Variants in TEPSIN observed in about 807,000 individuals in gnomAD.
The protein encoded by TEPSIN is TEPSIN adaptor related protein complex 4 accessory protein.
In TEPSIN, 50 loss-of-function variants were observed where a neutral mutation model predicts 48.5. That is an observed-to-expected ratio of 1.03 (90% CI 0.82 to 1.31). TEPSIN has a LOEUF of 1.31. TEPSIN is among the 50% of genes most tolerant of loss of function. The pLI is 0.00. For synonymous variants in TEPSIN, 392 were observed against 358.8 expected (o/e 1.09, Z -1.05); for missense variants, 838 against 815.9 (o/e 1.03, Z -0.33).
rs1487582203 is a variant in TEPSIN at position 81,230,400 on chromosome 17, C to T, written c.1233+144G>A. On this transcript the variant is annotated intron_variant, in intron 12 of 12. Coordinates refer to ENST00000637944, the MANE Select transcript of TEPSIN (RefSeq NM_001363764.2). The surrounding 1 kb of genome is among the most constrained non-coding windows in gnomAD (Gnocchi z 4.2). ...GAGGACCCTGACTTGCTGCTGCTCCCTCTGCCAGCGGGACAGGGACTTGAG... is the reference window on the plus strand; with the variant it reads ...GAGGACCCTGACTTGCTGCTGCTCCTTCTGCCAGCGGGACAGGGACTTGAG... The T allele has an allele frequency of 1.7e-6, 2 of 1,203,574 alleles. No individual in the cohort carries two copies. Among genetic ancestry groups the T allele is most frequent in the Non-Finnish European group, 2.3e-6 (2 of 878,738 alleles). 74.6% of individuals were successfully genotyped at this position (1,203,574 alleles called of 1,614,324 possible).
chr17:81,237,584 G>A (rs2062747479), intron 1 of TEPSIN, 125 bp from the exon 2 acceptor site: 3 of 1,019,702 alleles, frequency 2.9e-6, no homozygotes, highest in African/African-American at 3.2e-5. Context: ...GAGAGGACTG[G>A]GAAGGGATGA....
chr17:81,230,302 A>T lies in TEPSIN; in HGVS notation c.1233+242T>A. On this transcript the variant is annotated intron_variant, in intron 12 of 12. Coordinates refer to ENST00000637944, the MANE Select transcript of TEPSIN (RefSeq NM_001363764.2). The surrounding 1 kb of genome is among the most constrained non-coding windows in gnomAD (Gnocchi z 4.2). ...AAGGCAGCGGAGTCTGGGGGCTTCC[A>T]GGAATAGGTAGAGGCCAGTGTACTG... 1.9e-6 allele frequency: 1 copy of T among 514,458 alleles called. No homozygotes were observed. Among genetic ancestry groups the T allele is most frequent in the Non-Finnish European group, 3.4e-6 (1 of 294,572 alleles). The allele number at this position is 514,458 out of a possible 1,614,324, so 31.9% of individuals were successfully genotyped here. A position where few individuals can be genotyped will look rare whatever the true frequency, so the allele number is the denominator to read the frequency against.
rs2062580873 is a variant in TEPSIN at position 81,230,830 on chromosome 17, C to G, written c.1099-152G>C. The stretch of plus-strand genomic sequence containing the variant: ...GACAGCTCCACCACAGCCCTGTCCT[C>G]ACCGCCTTACACCCCGGATCCCAGA... On this transcript the variant is annotated intron_variant, in intron 11 of 12. Coordinates refer to ENST00000637944, the MANE Select transcript of TEPSIN (RefSeq NM_001363764.2). The surrounding 1 kb of genome is among the most constrained non-coding windows in gnomAD (Gnocchi z 4.2). The G allele has an allele frequency of 2.1e-6, 2 of 957,706 alleles. No homozygotes were observed. The highest frequency in any genetic ancestry group is 1.8e-5 in the South Asian group (1 of 55,672). The allele number at this position is 957,706 out of a possible 1,614,324, so 59.3% of individuals were successfully genotyped here. A position where few individuals can be genotyped will look rare whatever the true frequency, so the allele number is the denominator to read the frequency against.
At position 81,234,059 on chromosome 17, in the gene TEPSIN, G is replaced by A. The variant is rs746838181; in HGVS notation, c.308-11C>T. On this transcript the variant is annotated splice_polypyrimidine_tract_variant and intron_variant, in intron 4 of 12. Transcript: ENST00000637944. The surrounding 1 kb of genome is among the most constrained non-coding windows in gnomAD (Gnocchi z 5.4). Reference sequence around the variant, plus strand: ...GGGGCCCTGCAAAAGCTGCAGAACAGAAAAGGCAAGTCGGGGGCAGGGCTG... The same window carrying A: ...GGGGCCCTGCAAAAGCTGCAGAACAAAAAAGGCAAGTCGGGGGCAGGGCTG... 1.8e-5 allele frequency: 29 copies of A among 1,582,776 alleles called. No individual in the cohort carries two copies. The Middle Eastern group carries it at 6.8e-4, about 37-fold the overall frequency.
chr17:81,232,628 G>A (rs1297083143), intron 7 of TEPSIN, 110 bp from the exon 8 acceptor site: 3 of 1,045,584 alleles, frequency 2.9e-6, no homozygotes, highest in Non-Finnish European at 4.0e-6. Flanking sequence ...GAGAGGTCGG[G>A]GTACATGCTG....
intron 12 of TEPSIN, 130 bp from the exon 13 acceptor site, chr17:81,229,606 C>T: frequency 1.0e-6 from 1 of 987,254 alleles, no homozygotes; most frequent in Non-Finnish European, 1.5e-6. Context: ...GGGCAGGACA[C>T]CGGCTGCTGG....
At chr17:81,231,110 C>CACACACATGCAGTCATGT (rs2062591903) in intron 11 of TEPSIN, 1 of 548,532 alleles carries the variant, frequency 1.8e-6, no homozygotes. Flanking sequence ...CATACACAAC[C>CACACACATGCAGTCATGT]ACACACATGC....
chr17:81,238,982 T>C lies in TEPSIN; in HGVS notation c.48+4A>G, dbSNP rs759127844. 4 of 1,473,852 alleles carry C rather than the reference T, an allele frequency of 2.7e-6. No homozygotes were observed. Among genetic ancestry groups the C allele is most frequent in the Non-Finnish European group, 3.6e-6 (4 of 1,119,114 alleles). The allele number at this position is 1,473,852 out of a possible 1,614,324, so 91.3% of individuals were successfully genotyped here. A position where few individuals can be genotyped will look rare whatever the true frequency, so the allele number is the denominator to read the frequency against. The stretch of plus-strand genomic sequence containing the variant: ...CGGGGCCCGGGCGGACCGCCCTCAC[T>C]CACCCGGTGTAGAAAGCTCAGGCGG... On this transcript the variant is annotated splice_donor_region_variant and intron_variant, in intron 1 of 12. Coordinates refer to ENST00000637944, the MANE Select transcript of TEPSIN (RefSeq NM_001363764.2).
intron 12 of TEPSIN, chr17:81,229,867 C>T (rs1598346814): frequency 3.8e-6 from 1 of 261,698 alleles, no homozygotes; most frequent in South Asian, 5.0e-5. Context: ...TTAGAAACCC[C>T]ACTATGAGGT....
intron 4 of TEPSIN, 120 bp downstream of exon 4, chr17:81,236,588 G>C: frequency 4.8e-6 from 5 of 1,040,654 alleles, no homozygotes; most frequent in East Asian, 2.6e-5. Flanking sequence ...GGCTTTGATC[G>C]GGACCCGGCC....
In TEPSIN at chr17:81,233,481, C is replaced by T. The variant is rs778856508; in HGVS notation, c.477G>A (p.Pro159=). 254 of 1,606,600 alleles carry T rather than the reference C, an allele frequency of 1.6e-4. No individual in the cohort carries two copies. The highest frequency in any genetic ancestry group is 2.1e-4 in the Non-Finnish European group (250 of 1,176,792). ...PATGMGSQAR[P]HSTLQGFGYS... is the part of the protein sequence containing the mutation. ...AGCCGAAACCCTGGAGGGTGCTGTGCGGCCTGGCCTGGGAGCCCATGCCTG... is the reference window on the plus strand; with the variant it reads ...AGCCGAAACCCTGGAGGGTGCTGTGTGGCCTGGCCTGGGAGCCCATGCCTG... The change falls in exon 7 of 13, where the codon CCG becomes CCA. Residue 159 remains proline (P), a synonymous_variant. Transcript: ENST00000637944. This position sits in a 1 kb window ranked among gnomAD's most constrained non-coding sequence, Gnocchi z 5.8.
At chr17:81,238,005 C>T in intron 1 of TEPSIN, 2 of 996,922 alleles carry the variant, frequency 2.0e-6, no homozygotes, top group Non-Finnish European at 2.4e-6. Flanking sequence ...TACTTACTGG[C>T]ACAAAGATGT....
Position 81,232,479 on chromosome 17 carries a change from G to T in TEPSIN, c.566C>A (p.Ala189Asp). 6.5e-7 allele frequency: 1 copy of T among 1,534,702 alleles called. No individual in the cohort carries two copies. Among genetic ancestry groups the T allele is most frequent in the South Asian group, 1.2e-5 (1 of 83,994 alleles). Residue 189 changes from alanine (A) to aspartate (D), a missense_variant, in exon 8 of 13, where the codon GCC (alanine) becomes GAC (aspartate). Coordinates refer to ENST00000637944, the MANE Select transcript of TEPSIN (RefSeq NM_001363764.2). Reference protein sequence around the residue: ...GEAFLSTIQKAAEVVASAMRP... With the variant: ...GEAFLSTIQKDAEVVASAMRP... ...CATGGCGCTGGCCACCACCTCTGCG[G>T]CCTTCTGGATGGTGGAGAGGAAGGC...
intron 4 of TEPSIN, 165 bp downstream of exon 4, chr17:81,236,543 G>C: frequency 1.4e-6 from 1 of 739,974 alleles, no homozygotes; most frequent in East Asian, 2.7e-5. Flanking sequence ...GCAGCAGGTG[G>C]AGAGGCCAGA....
intron 12 of TEPSIN, chr17:81,229,773 C>T: frequency 2.2e-6 from 1 of 463,774 alleles, no homozygotes; most frequent in East Asian, 4.2e-5. Context: ...ACCCGCCAGG[C>T]ACTGCCGGAG....
At chr17:81,237,259 G>A (rs2062740070) in intron 2 of TEPSIN, 128 bp downstream of exon 2, 1 of 1,262,164 alleles carries the variant, frequency 7.9e-7, no homozygotes. Flanking sequence ...CCCCACCCAT[G>A]CCTGGTTACA....
rs2062612882 is a variant in TEPSIN at position 81,231,637 on chromosome 17, A to G, written c.960T>C (p.Thr320=). 1.2e-6 allele frequency: 2 copies of G among 1,613,224 alleles called. No individual in the cohort carries two copies. The highest frequency in any genetic ancestry group is 1.7e-6 in the Non-Finnish European group (2 of 1,179,758). ...DCQQELSLVR[T]VTRGPRAFLS... ...GGAAGGCGCGTGGTCCCCGAGTCAC[A>G]GTCCTCACCAAGCTCAACTCCTGCT... Residue 320 remains threonine (T), a synonymous_variant, in exon 10 of 13, where the codon ACT becomes ACC. Coordinates refer to ENST00000637944, the MANE Select transcript of TEPSIN (RefSeq NM_001363764.2).
intron 1 of TEPSIN, chr17:81,237,728 C>A: frequency 1.8e-6 from 1 of 542,510 alleles, no homozygotes; most frequent in Non-Finnish European, 3.2e-6. Context: ...TAAGAAGGGA[C>A]ACAGCCCCCA....
rs370125089 is a variant in TEPSIN, at chr17:81,231,189, A to G, written c.1098+209T>C. The G allele has an allele frequency of 4.5e-3, 2,687 of 601,474 alleles. 67 individuals are homozygous for G. In the African/African-American group the frequency reaches 0.045, roughly 10 times the overall value. 37.3% of individuals were successfully genotyped at this position (601,474 alleles called of 1,614,324 possible). A position where few individuals can be genotyped will look rare whatever the true frequency, so the allele number is the denominator to read the frequency against. ...GCACAAGTGTGTACACACCGCACAC[A>G]TGCACGAGTGTGTACACACACAGGC... On this transcript the variant is annotated intron_variant, in intron 11 of 12. Transcript: ENST00000637944.
Sources: gnomAD v4.1 joint callset for allele counts on GRCh38, gnomAD v4.1.1 for gene constraint, Gnocchi (gnomAD v3.1) non-coding constraint, MANE v1.5 for transcripts, NCBI Gene and HGNC (gene_info 2026-07-23, HGNC 2026-07-21) for gene names.